The following ZNF568 variants were observed in gnomAD, a reference collection of about 807,000 sequenced individuals.
ZNF568 encodes the protein p53 inhibitor of SCO2 activation.
Under a neutral mutation model 18.1 loss-of-function variants are expected in ZNF568, and 11 were observed. That is an observed-to-expected ratio of 0.61 (90% CI 0.38 to 1.00). The LOEUF (loss-of-function observed/expected upper bound fraction) is 1.00, where lower values mean the gene tolerates loss of function less well. Among genes scored for constraint, ZNF568 ranks in the 50% least tolerant of loss-of-function variants. The probability of loss-of-function intolerance (pLI) is 0.01; values close to 1 mark genes in which losing one functional copy is unlikely to be tolerated. For synonymous variants in ZNF568, 213 were observed against 246.6 expected, an observed-to-expected ratio of 0.86 and a Z score of 1.28; for missense variants, 639 against 768.2, an observed-to-expected ratio of 0.83 and a Z score of 1.99.
chr19:36,972,743 G>A (rs1416503254), intron 6 of ZNF568, among the ~76,000 whole-genome samples: 1 of 152,208 alleles, frequency 6.6e-6, no homozygotes, highest in African/African-American at 2.4e-5. Context: ...CCTGTGGAGG[G>A]TACCCTGGGT....
At chr19:36,988,472 G>A (rs911383159) in intron 2 of ZNF568, among the ~76,000 whole-genome samples, 1 of 152,184 alleles carries the variant, frequency 6.6e-6, no homozygotes, top group Non-Finnish European at 1.5e-5. Context: ...AGGCAAAGGA[G>A]AAGCCAGCAC....
chr19:36,976,754 T>C (rs1005374645), intron 7 of ZNF568, among the ~76,000 whole-genome samples: 1 of 151,872 alleles, frequency 6.6e-6, no homozygotes, highest in Admixed American at 6.6e-5. Flanking sequence ...CTACTAAAAA[T>C]ACAAAATTAG....
At chr19:36,977,328 A>G (rs1242717577) in intron 7 of ZNF568, among the ~76,000 whole-genome samples, 2 of 152,182 alleles carry the variant, frequency 1.3e-5, no homozygotes, top group African/African-American at 4.8e-5. Context: ...TGGAGTGTTT[A>G]TTTAGATTTT....
At chr19:36,933,144 C>CTTTTTTTTTTTTT (rs371143411) in intron 4 of ZNF568, among the ~76,000 whole-genome samples, 1 of 134,852 alleles carries the variant, frequency 7.4e-6, no homozygotes, top group Admixed American at 7.5e-5. Flanking sequence ...ATTCTGAGAC[C>CTTTTTTTTTTTTT]TTTTTTTTTT....
At chr19:36,953,896 G>A (rs1299967052), downstream of ZNF568, among the ~76,000 whole-genome samples, 2 of 151,648 alleles carry the variant, frequency 1.3e-5, no homozygotes, top group Middle Eastern at 3.2e-3. Context: ...GCGTGACAGA[G>A]TAAGACCCTT....
At chr19:36,991,524 G>A (rs1329724781) in intron 3 of ZNF568, 4 of 659,422 alleles carry the variant, frequency 6.1e-6, no homozygotes, top group Non-Finnish European at 9.6e-6. Flanking sequence ...CTCCCTTCTT[G>A]GAGCTGTGAT....
chr19:36,933,894 G>A (rs1257063512), intron 4 of ZNF568, among the ~76,000 whole-genome samples: 1 of 123,140 alleles, frequency 8.1e-6, no homozygotes, highest in Admixed American at 8.4e-5. Context: ...TTTTCTTTTG[G>A]GTAGGTTTTT....
intron 6 of ZNF568, among the ~76,000 whole-genome samples, chr19:36,945,207 AGAAGTGT>A (rs1215981734): frequency 5.4e-5 from 7 of 130,044 alleles, no homozygotes; most frequent in Non-Finnish European, 9.8e-5. Context: ...AGACAGAGAG[AGAAGTGT>A]GTGTGTGTGT....
downstream of ZNF568, among the ~76,000 whole-genome samples, chr19:36,953,733 G>A (rs1309572792): frequency 1.3e-5 from 2 of 151,978 alleles, no homozygotes; most frequent in African/African-American, 4.8e-5. Context: ...TCAACAGGAT[G>A]AAACCCCGTC....
At chr19:36,969,781 ATTTTTTTTT>A (rs200089198) in intron 6 of ZNF568, among the ~76,000 whole-genome samples, 1 of 77,102 alleles carries the variant, frequency 1.3e-5, no homozygotes, top group African/African-American at 5.3e-5. Flanking sequence ...CCATCTCAAG[ATTTTTTTTT>A]TTTTTTTTTT....
At chr19:36,918,051 C>T (rs1467354909) in intron 2 of ZNF568, among the ~76,000 whole-genome samples, 1 of 152,174 alleles carries the variant, frequency 6.6e-6, no homozygotes, top group Non-Finnish European at 1.5e-5. Flanking sequence ...CGAGTTCAAG[C>T]GATTCTCCTG....
At chr19:36,938,083 T>C (rs1568386565) in intron 6 of ZNF568, among the ~76,000 whole-genome samples, 1 of 152,220 alleles carries the variant, frequency 6.6e-6, no homozygotes, top group African/African-American at 2.4e-5. Context: ...GGAATTTTTA[T>C]TGGGATTGTG....
intron 4 of ZNF568, among the ~76,000 whole-genome samples, chr19:36,929,591 A>G (rs2073646213): frequency 6.6e-6 from 1 of 151,770 alleles, no homozygotes; most frequent in Admixed American, 6.6e-5. Flanking sequence ...AGGCTGAGGC[A>G]GGAGAATCAC....
chr19:36,985,881 A>AC (rs2074372193), intron 2 of ZNF568, among the ~76,000 whole-genome samples: 1 of 151,760 alleles, frequency 6.6e-6, no homozygotes, highest in African/African-American at 2.4e-5. Flanking sequence ...ATAGTTAACC[A>AC]TTTTCAAGTG....
chr19:36,997,666 G>A, downstream of ZNF568: 1 of 1,147,150 alleles, frequency 8.7e-7, no homozygotes, highest in Non-Finnish European at 1.3e-6. Context: ...CTTCATTCGG[G>A]CCTCACACCT....
exon 5 of ZNF568, chr19:36,997,138 G>A: frequency 6.3e-7 from 1 of 1,577,774 alleles, no homozygotes; most frequent in South Asian, 1.1e-5. Flanking sequence ...TGAATGCAGG[G>A]AGTGTGGAAA....
Position 36,930,498 on chromosome 19 carries a change from C to T in ZNF568, c.135+5240C>T, listed in dbSNP as rs375885583. Among the ~76,000 whole-genome samples the T allele has an allele frequency of 2.8e-4, 43 of 152,222 alleles. No individual in the cohort carries two copies. In the East Asian group the frequency reaches 5.2e-3, roughly 18 times the overall value. On this transcript the variant is annotated intron_variant, in intron 4 of 6. Transcript: ENST00000333987. ...TGCTGGGATTACAAGCATGAGCCAC[C>T]GCGCCTGGCCAGGGGTGCAATCTTT...
chr19:36,961,000 G>A (rs1568398860), intron 6 of ZNF568, among the ~76,000 whole-genome samples: 1 of 152,110 alleles, frequency 6.6e-6, no homozygotes, highest in South Asian at 2.1e-4. Flanking sequence ...GTCTGCATCT[G>A]TTGGGTGAAA....
At chr19:36,992,519 A>G (rs2074435158) in intron 4 of ZNF568, among the ~76,000 whole-genome samples, 1 of 151,952 alleles carries the variant, frequency 6.6e-6, no homozygotes, top group African/African-American at 2.4e-5. Context: ...AAAGAAAGTA[A>G]AGCATGTTTC....
Sources: allele counts gnomAD v4.1 joint callset (sites outside exome capture counted in the v4.1 genomes callset), GRCh38; gene constraint gnomAD v4.1.1; transcripts MANE v1.5; gene names NCBI Gene and HGNC (gene_info 2026-07-23, HGNC 2026-07-21).